ST8SIA4: variants seen among roughly 807,000 people sequenced by gnomAD.
ST8SIA4 encodes CMP-N-acetylneuraminate-poly-alpha-2,8-sialyltransferase.
ST8SIA4 carries 15 observed loss-of-function variants against 33.9 expected under a neutral mutation model. The observed-to-expected ratio is 0.44, with a 90% CI of 0.30 to 0.68. ST8SIA4 has a LOEUF of 0.68. Among genes scored for constraint, ST8SIA4 ranks in the 30% least tolerant of loss-of-function variants. The pLI is 0.10. For missense variants in ST8SIA4, 321 were observed against 428.0 expected (o/e 0.75, Z 2.21); for synonymous variants, 171 against 151.2 (o/e 1.13, Z -0.96).
intron 3 of ST8SIA4, among the ~76,000 whole-genome samples, chr5:100,857,266 CTTATA>C (rs1412960727): frequency 6.6e-6 from 1 of 151,666 alleles, no homozygotes; most frequent in Non-Finnish European, 1.5e-5. Flanking sequence ...ATATAACATT[CTTATA>C]TTAGAAGAAA....
At chr5:100,846,375 G>A (rs534213858) in intron 4 of ST8SIA4, among the ~76,000 whole-genome samples, 14 of 151,790 alleles carry the variant, frequency 9.2e-5, no homozygotes, top group African/African-American at 1.9e-4. Flanking sequence ...AACCTCCACC[G>A]TAACATATAC....
At chr5:100,818,344 T>C (rs1489931035) in intron 4 of ST8SIA4, among the ~76,000 whole-genome samples, 2 of 152,182 alleles carry the variant, frequency 1.3e-5, no homozygotes, top group Non-Finnish European at 2.9e-5. Context: ...TGGTTTTTTT[T>C]CTATGTGTGA....
intron 3 of ST8SIA4, among the ~76,000 whole-genome samples, chr5:100,881,670 C>G (rs1185486167): frequency 6.6e-6 from 1 of 152,162 alleles, no homozygotes; most frequent in East Asian, 1.9e-4. Context: ...TGGGTCCCCA[C>G]CCAAATCTCA....
At chr5:100,882,626 C>T (rs1174505009) in intron 3 of ST8SIA4, among the ~76,000 whole-genome samples, 1 of 152,204 alleles carries the variant, frequency 6.6e-6, no homozygotes, top group Admixed American at 6.5e-5. Flanking sequence ...CAGCCTCTCC[C>T]ATCACAGACC....
chr5:100,875,670 T>C (rs776892637), intron 3 of ST8SIA4, among the ~76,000 whole-genome samples: 26 of 152,212 alleles, frequency 1.7e-4, no homozygotes, highest in Non-Finnish European at 3.4e-4. Context: ...TGTTCATGAC[T>C]GGCTCTTGGT....
chr5:100,890,087 T>C (rs1195360813), intron 2 of ST8SIA4, among the ~76,000 whole-genome samples: 1 of 151,886 alleles, frequency 6.6e-6, no homozygotes, highest in African/African-American at 2.4e-5. Flanking sequence ...TGGAAAATTA[T>C]CTGAGTTAAG....
chr5:100,842,919 T>C (rs531256359), intron 4 of ST8SIA4, among the ~76,000 whole-genome samples: 8 of 152,018 alleles, frequency 5.3e-5, no homozygotes, highest in Non-Finnish European at 8.8e-5. Flanking sequence ...TTTAATTTCA[T>C]CCAAGTTTGT....
At chr5:100,841,723 C>T (rs914228773) in intron 4 of ST8SIA4, among the ~76,000 whole-genome samples, 1 of 151,872 alleles carries the variant, frequency 6.6e-6, no homozygotes, top group Non-Finnish European at 1.5e-5. Flanking sequence ...AGTTCTGACA[C>T]AATTTGTGGA....
At chr5:100,848,484 C>CA (rs201296977) in intron 4 of ST8SIA4, among the ~76,000 whole-genome samples, 20,063 of 149,396 alleles carry the variant, frequency 0.13, 1,752 homozygotes, top group East Asian at 0.39. Flanking sequence ...CACATATATA[C>CA]ACACAGAGTA....
At chr5:100,831,047 G>A (rs778811815) in intron 4 of ST8SIA4, among the ~76,000 whole-genome samples, 1 of 152,216 alleles carries the variant, frequency 6.6e-6, no homozygotes, top group Non-Finnish European at 1.5e-5. Flanking sequence ...TAAATGTCCA[G>A]TGACAACTCT....
chr5:100,823,058 G>C (rs988048474), intron 4 of ST8SIA4, among the ~76,000 whole-genome samples: 4 of 152,112 alleles, frequency 2.6e-5, no homozygotes, highest in African/African-American at 7.2e-5. Context: ...GTGAACCCGG[G>C]AGGCAGAGGT....
At position 100,880,444 on chromosome 5, in the gene ST8SIA4, G is replaced by A. The variant is rs560396285; in HGVS notation, c.503+5899C>T. The stretch of plus-strand genomic sequence containing the variant: ...CCTCATCCTTTCCCCCAAATAAGGG[G>A]TAAAACCACCCATAGGTATGTGGGT... On this transcript the variant is annotated intron_variant, in intron 3 of 4. Transcript: ENST00000231461. Among the ~76,000 whole-genome samples the A allele has an allele frequency of 1.3e-4, 20 of 152,232 alleles. No homozygotes were observed. The South Asian group carries it at 3.3e-3, about 25-fold the overall frequency.
intron 3 of ST8SIA4, 80 bp from the exon 4 acceptor site, chr5:100,856,476 T>A: frequency 6.6e-6 from 9 of 1,354,094 alleles, no homozygotes; most frequent in Non-Finnish European, 9.0e-6. Flanking sequence ...AAAAGAAGAA[T>A]GGGAAATAAG....
chr5:100,857,502 G>T (rs185455221), intron 3 of ST8SIA4, among the ~76,000 whole-genome samples: 1 of 151,630 alleles, frequency 6.6e-6, no homozygotes, highest in Non-Finnish European at 1.5e-5. Context: ...TGTTTGAATC[G>T]ATTCAATCAA....
In ST8SIA4 at chr5:100,856,206, C is replaced by G; in HGVS notation, c.694G>C (p.Gly232Arg). The G allele has an allele frequency of 1.2e-6, 2 of 1,614,114 alleles. No individual in the cohort carries two copies. Among genetic ancestry groups the G allele is most frequent in the Non-Finnish European group, 1.7e-6 (2 of 1,179,992 alleles). The change falls in exon 4 of 5, where the codon GGA (glycine) becomes CGA (arginine). Residue 232 changes from glycine to arginine, a missense_variant. Transcript: ENST00000231461. The part of the protein sequence containing the change: ...VLWIPAFMVK[G>R]GEKHVEWVNA... Reference sequence around the variant, plus strand: ...ACCCACTCCACGTGCTTCTCTCCTCCTTTGACCATGAAAGCAGGAATCCAA... The same window carrying G: ...ACCCACTCCACGTGCTTCTCTCCTCGTTTGACCATGAAAGCAGGAATCCAA...
intron 1 of ST8SIA4, among the ~76,000 whole-genome samples, chr5:100,896,723 G>T (rs2112483967): frequency 6.6e-6 from 1 of 152,178 alleles, no homozygotes; most frequent in East Asian, 1.9e-4. Flanking sequence ...ACTAAAATAA[G>T]ATAAAACAAA....
chr5:100,852,367 G>A (rs528736895), intron 4 of ST8SIA4, among the ~76,000 whole-genome samples: 9 of 150,264 alleles, frequency 6.0e-5, no homozygotes, highest in South Asian at 2.1e-4. Context: ...GGTAATCCAC[G>A]CACCTTGGCC....
intron 4 of ST8SIA4, among the ~76,000 whole-genome samples, chr5:100,843,862 CT>C (rs1751516308): frequency 1.3e-5 from 2 of 151,906 alleles, no homozygotes; most frequent in African/African-American, 2.4e-5. Flanking sequence ...TTATTTGCCC[CT>C]AAGAATGAAT....
chr5:100,850,106 C>T (rs572430375), intron 4 of ST8SIA4, among the ~76,000 whole-genome samples: 51 of 152,086 alleles, frequency 3.4e-4, no homozygotes, highest in Non-Finnish European at 6.3e-4. Context: ...GCAAAACCCA[C>T]AACTACTTTT....
Sources: allele counts gnomAD v4.1 joint callset (sites outside exome capture counted in the v4.1 genomes callset), GRCh38; gene constraint gnomAD v4.1.1; transcripts MANE v1.5; gene names NCBI Gene and HGNC (gene_info 2026-07-23, HGNC 2026-07-21).